CSF2RA: variants seen among roughly 807,000 people sequenced by gnomAD.
CSF2RA encodes the protein granulocyte-macrophage colony-stimulating factor receptor subunit alpha.
A neutral mutation model predicts 51.6 loss-of-function variants in CSF2RA; 42 were observed. The observed-to-expected ratio is 0.81, with a 90% CI of 0.64 to 1.05. The LOEUF is 1.05. Ranked by LOEUF, CSF2RA falls within the 50% of genes least tolerant of loss-of-function variation. CSF2RA has a pLI of 0.00. For synonymous variants in CSF2RA, 222 were observed against 193.0 expected (o/e 1.15, Z -1.24); for missense variants, 530 against 501.1 (o/e 1.06, Z -0.55).
At chrX:1,324,481 CAGGG>C in the CSF2RA span, among the ~76,000 whole-genome samples, 8 of 108,568 alleles carry the variant, frequency 7.4e-5, no homozygotes, top group Non-Finnish European at 1.0e-4. Flanking sequence ...AGCAAGCAAG[CAGGG>C]AGGGAGGGAG....
chrX:1,317,246 C>CAT, the CSF2RA span, among the ~76,000 whole-genome samples: 20 of 57,828 alleles, frequency 3.5e-4, no homozygotes, highest in South Asian at 9.1e-4. Flanking sequence ...CCACGCTCAG[C>CAT]TTTTTTTTTT....
At chrX:1,324,176 C>A in the CSF2RA span, among the ~76,000 whole-genome samples, 1 of 150,790 alleles carries the variant, frequency 6.6e-6, no homozygotes, top group Non-Finnish European at 1.5e-5. Flanking sequence ...CAGAGTGTAA[C>A]TCTGCCTTTA....
In CSF2RA at chrX:1,294,494, G is replaced by A. The variant is rs191376054; in HGVS notation, c.780+33G>A. 350 of 1,611,120 alleles carry A rather than the reference G, an allele frequency of 2.2e-4. 1 individual carries two copies. The highest frequency in any genetic ancestry group is 1.2e-5 in the Non-Finnish European group (14 of 1,179,774). ...AGAGCTCCCCGGGGCTGGGCACCAG[G>A]AGGGAGGCGTACGGGACACGCCCGC... On this transcript the variant is annotated intron_variant, in intron 8 of 12. Transcript: ENST00000381529.
chrX:1,289,599 GT>G (rs1292810061), intron 6 of CSF2RA, among the ~76,000 whole-genome samples: 1 of 149,492 alleles, frequency 6.7e-6, no homozygotes, highest in Admixed American at 6.7e-5. Flanking sequence ...TTGTGTTTTT[GT>G]TTTTTGTGTT....
At chrX:1,315,643 G>A in the CSF2RA span, among the ~76,000 whole-genome samples, 2 of 152,114 alleles carry the variant, frequency 1.3e-5, no homozygotes, top group African/African-American at 4.8e-5. Flanking sequence ...GACCTCAAGT[G>A]ATCTGCCCGC....
chrX:1,294,798 G>C (rs2091755698), intron 8 of CSF2RA, among the ~76,000 whole-genome samples: 1 of 151,978 alleles, frequency 6.6e-6, no homozygotes, highest in Non-Finnish European at 1.5e-5. Flanking sequence ...AGGAGACCCT[G>C]CCCCATGTCT....
intron 10 of CSF2RA, among the ~76,000 whole-genome samples, chrX:1,301,425 A>C (rs2082911596): frequency 6.7e-6 from 1 of 149,838 alleles, no homozygotes; most frequent in Non-Finnish European, 1.5e-5. Flanking sequence ...TGTTTTTTTC[A>C]GGGTGGATGA....
rs138507327 is a variant in CSF2RA, at chrX:1,303,374, T to C, written c.947-549T>C. On this transcript the variant is annotated intron_variant, in intron 10 of 12. Coordinates refer to ENST00000381529, the MANE Select transcript of CSF2RA (RefSeq NM_172245.4). ...CCTCAGACTCCCAGGTAGATAGGAT[T>C]ACAGGCACCCACCACCATGCCTGGC... is the stretch of plus-strand genomic sequence containing the variant. The C allele has an allele frequency of 1.5e-3, 665 of 436,012 alleles. 2 individuals are homozygous for C. The highest frequency in any genetic ancestry group is 0.011 in the African/African-American group (565 of 49,538). The allele number at this position is 436,012 out of a possible 1,614,324, so 27.0% of individuals were successfully genotyped here.
chrX:1,288,261 C>A (rs2090995578), intron 4 of CSF2RA, among the ~76,000 whole-genome samples: 1 of 149,258 alleles, frequency 6.7e-6, no homozygotes, highest in African/African-American at 2.4e-5. Flanking sequence ...GCGGGTGGAT[C>A]ACCTGAGGTC....
At chrX:1,281,010 CT>C (rs2089930133) in intron 2 of CSF2RA, among the ~76,000 whole-genome samples, 1 of 115,016 alleles carries the variant, frequency 8.7e-6, no homozygotes, top group African/African-American at 3.1e-5. Flanking sequence ...CCTCCTCCTT[CT>C]CCTCCTCCTC....
At chrX:1,305,955 G>A (rs1193764782) in intron 12 of CSF2RA, 11 of 641,230 alleles carry the variant, frequency 1.7e-5, no homozygotes, top group South Asian at 5.8e-5. Flanking sequence ...GGTGGTGTAC[G>A]CCTGAAATCC....
chrX:1,290,167 TTGTTTTG>T (rs1234289211), intron 6 of CSF2RA, among the ~76,000 whole-genome samples, 163 bp from the exon 7 acceptor site: 5 of 151,990 alleles, frequency 3.3e-5, no homozygotes, highest in Admixed American at 2.0e-4. Context: ...TTTTGTGTTT[TTGTTTTG>T]TGTTTTGTGT....
intron 2 of CSF2RA, among the ~76,000 whole-genome samples, chrX:1,281,558 C>T (rs1330429976): frequency 2.6e-5 from 4 of 151,774 alleles, no homozygotes; most frequent in South Asian, 4.1e-4. Context: ...ACCTTTCCTC[C>T]TCCTCCTTCT....
At chrX:1,314,888 CACACT>C (rs1569515082), downstream of CSF2RA, among the ~76,000 whole-genome samples, 13,986 of 84,060 alleles carry the variant, frequency 0.17, 4,931 homozygotes, top group Middle Eastern at 0.26. Context: ...CCTGCCCAAC[CACACT>C]GAACCTGCTC....
At chrX:1,310,822 G>A (rs1299095369), downstream of CSF2RA, among the ~76,000 whole-genome samples, 7 of 152,104 alleles carry the variant, frequency 4.6e-5, no homozygotes, top group South Asian at 2.1e-4. Flanking sequence ...TTGGTTCTCC[G>A]GGTTGGAGGT....
chrX:1,296,347 C>A (rs1438968851), intron 9 of CSF2RA, among the ~76,000 whole-genome samples: 15 of 108,126 alleles, frequency 1.4e-4, no homozygotes, highest in South Asian at 3.6e-4. Flanking sequence ...TGACCCCTGG[C>A]GGAACCCTAC....
the CSF2RA span, among the ~76,000 whole-genome samples, chrX:1,325,078 A>T: frequency 6.6e-6 from 1 of 151,514 alleles, no homozygotes; most frequent in Non-Finnish European, 1.5e-5. Flanking sequence ...AAAACAAAAC[A>T]TACTTTGCGC....
At chrX:1,324,079 G>T in the CSF2RA span, among the ~76,000 whole-genome samples, 2 of 152,030 alleles carry the variant, frequency 1.3e-5, no homozygotes, top group African/African-American at 4.8e-5. Context: ...TAGCTACTGG[G>T]GAGGCTGAGG....
chrX:1,309,166 A>T (rs2083979443), intron 12 of CSF2RA, among the ~76,000 whole-genome samples: 1 of 152,112 alleles, frequency 6.6e-6, no homozygotes, highest in South Asian at 2.1e-4. Flanking sequence ...TCATCTGATC[A>T]GTCAAATTTG....
Sources: gnomAD v4.1 joint callset for allele counts (sites outside exome capture counted in the v4.1 genomes callset) on GRCh38, gnomAD v4.1.1 for gene constraint, MANE v1.5 for transcripts, NCBI Gene and HGNC (gene_info 2026-07-23, HGNC 2026-07-21) for gene names.